Variants in HAL observed in about 807,000 individuals in gnomAD.
HAL encodes histidine ammonia-lyase.
HAL carries 85 observed loss-of-function variants against 81.1 expected under a neutral mutation model. That is an observed-to-expected ratio of 1.05 (90% CI 0.88 to 1.25). HAL has a LOEUF of 1.25. Among genes scored for constraint, HAL ranks in the 50% most tolerant of loss-of-function variants. HAL has a pLI of 0.00. For missense variants in HAL, 798 were observed against 836.6 expected, an observed-to-expected ratio of 0.95 and a Z score of 0.57; for synonymous variants, 301 against 309.2, an observed-to-expected ratio of 0.97 and a Z score of 0.28.
At chr12:95,980,181 AGGTT>A (rs963850744) in intron 17 of HAL, among the ~76,000 whole-genome samples, 2 of 152,242 alleles carry the variant, frequency 1.3e-5, no homozygotes, top group African/African-American at 4.8e-5. Flanking sequence ...GTTTAATTAT[AGGTT>A]GGTTCAAGTT....
At chr12:95,993,545 C>T in intron 7 of HAL, 57 bp from the exon 8 acceptor site, 4 of 1,178,830 alleles carry the variant, frequency 3.4e-6, no homozygotes, top group Non-Finnish European at 5.1e-6. Context: ...AATGTTCCCT[C>T]AGCTGGGAAA....
In HAL at chr12:95,973,335, A is replaced by C. The variant is rs1348574570; in HGVS notation, c.*897T>G. 6.6e-6 allele frequency: 1 copy of C among 152,226 alleles called. No homozygotes were observed. The highest frequency in any genetic ancestry group is 1.5e-5 in the Non-Finnish European group (1 of 68,042). The allele number at this position is 152,226 out of a possible 1,614,324, so 9.4% of individuals were successfully genotyped here. A position where few individuals can be genotyped will look rare whatever the true frequency, so the allele number is the denominator to read the frequency against. Reference sequence around the variant, plus strand: ...AAAAATAGATGCAGTAATACACTCTAGGGCTCCATCTGACCTTTATCAATA... The same window carrying C: ...AAAAATAGATGCAGTAATACACTCTCGGGCTCCATCTGACCTTTATCAATA... On this transcript the variant is annotated 3_prime_UTR_variant, in exon 21 of 21. Transcript: ENST00000261208.
At chr12:95,983,872 A>G in intron 15 of HAL, 39 bp downstream of exon 15, 1 of 1,026,642 alleles carries the variant, frequency 9.7e-7, no homozygotes, top group Non-Finnish European at 1.5e-6. Flanking sequence ...TACCAGCTGC[A>G]ATTCTATAAT....
rs747983413 is a variant in HAL, at chr12:95,990,414, A to T, written c.834T>A (p.Ser278Arg). ...VGEGKMWSPK[S>R]GWADAKYVLE... ...TTACGTATTTAGCATCAGCCCAGCCACTCTTCGGAGACCACATCTTCCCTT... is the reference window on the plus strand; with the variant it reads ...TTACGTATTTAGCATCAGCCCAGCCTCTCTTCGGAGACCACATCTTCCCTT... The change falls in exon 10 of 21, where the codon AGT becomes AGA. Residue 278 changes from serine to arginine, a missense_variant. Physicochemically the swap from Ser to Arg is moderately radical, Grantham distance 110. Coordinates refer to ENST00000261208, the MANE Select transcript of HAL (RefSeq NM_002108.4). 1 of 1,613,566 alleles carries T rather than the reference A, an allele frequency of 6.2e-7. No individual in the cohort carries two copies. The highest frequency in any genetic ancestry group is 8.5e-7 in the Non-Finnish European group (1 of 1,179,546).
intron 9 of HAL, among the ~76,000 whole-genome samples, chr12:95,991,541 C>T (rs917318399): frequency 6.6e-6 from 1 of 152,152 alleles, no homozygotes; most frequent in Admixed American, 6.5e-5. Flanking sequence ...GAACACGTGC[C>T]ATTTTCTAAG....
At chr12:95,983,774 G>A in intron 15 of HAL, 137 bp downstream of exon 15, 3 of 686,620 alleles carry the variant, frequency 4.4e-6, no homozygotes, top group Admixed American at 2.1e-5. Flanking sequence ...TAACCTCTGA[G>A]CCTCAGGTAC....
chr12:95,986,627 C>T (rs1949892206), intron 12 of HAL, among the ~76,000 whole-genome samples: 1 of 152,136 alleles, frequency 6.6e-6, no homozygotes, highest in African/African-American at 2.4e-5. Flanking sequence ...CACTTTTAGA[C>T]AATGTTCTGC....
chr12:95,985,968 TGTGGAAGAG>T lies in HAL; in HGVS notation c.1148-11_1148-3del. 6.2e-7 allele frequency: 1 copy of T among 1,611,260 alleles called. No individual in the cohort carries two copies. Among genetic ancestry groups the T allele is most frequent in the South Asian group, 1.1e-5 (1 of 90,986 alleles). ...CGCGATCACAGAACCTGTGACTCTCTGTGGAAGAGGTGGAGGGGATGAGACAGGGATCAT... is the reference window on the plus strand; with the variant it reads ...CGCGATCACAGAACCTGTGACTCTCTGTGGAGGGGATGAGACAGGGATCAT... On this transcript the variant is annotated splice_polypyrimidine_tract_variant and splice_region_variant and intron_variant, in intron 13 of 20. Coordinates refer to ENST00000261208, the MANE Select transcript of HAL (RefSeq NM_002108.4).
At chr12:95,995,551 C>A in intron 2 of HAL, 113 bp downstream of exon 2, 1 of 1,468,768 alleles carries the variant, frequency 6.8e-7, no homozygotes. Flanking sequence ...CAGGGCCAGC[C>A]TCGGCAAGCC....
chr12:95,994,170 C>T lies in HAL; in HGVS notation c.337-6G>A, dbSNP rs368163450. On this transcript the variant is annotated splice_region_variant and splice_polypyrimidine_tract_variant and intron_variant, in intron 4 of 20. Transcript: ENST00000261208. Reference sequence around the variant, plus strand: ...TCTCCATCTAACTCGATGTACTACACAAAAGAAGGGGATCTCAGTGAGTCT... The same window carrying T: ...TCTCCATCTAACTCGATGTACTACATAAAAGAAGGGGATCTCAGTGAGTCT... 1.7e-5 allele frequency: 27 copies of T among 1,603,956 alleles called. No individual in the cohort carries two copies. The African/African-American group carries it at 3.2e-4, about 19-fold the overall frequency.
At chr12:95,975,109 T>C (rs2080700120) in intron 20 of HAL, among the ~76,000 whole-genome samples, 1 of 152,232 alleles carries the variant, frequency 6.6e-6, no homozygotes, top group Non-Finnish European at 1.5e-5. Context: ...CCTATTGCCT[T>C]ATTTCCATGC....
At chr12:95,991,698 G>A (rs754913931) in intron 9 of HAL, among the ~76,000 whole-genome samples, 4 of 152,182 alleles carry the variant, frequency 2.6e-5, no homozygotes, top group Admixed American at 1.3e-4. Context: ...GATAGTTCAC[G>A]CTGGGGAATT....
At chr12:95,976,064 G>A (rs2080714931) in intron 20 of HAL, 1 of 362,742 alleles carries the variant, frequency 2.8e-6, no homozygotes, top group Non-Finnish European at 5.3e-6. Context: ...CCCAGTGGTG[G>A]TAGTTGTGAT....
rs1324663206 is a variant in HAL at position 95,976,725 on chromosome 12, A to G, written c.1655-19T>C. 6.7e-7 allele frequency: 1 copy of G among 1,490,820 alleles called. No homozygotes were observed. Among genetic ancestry groups the G allele is most frequent in the Non-Finnish European group, 9.4e-7 (1 of 1,068,202 alleles). 92.3% of individuals were successfully genotyped at this position (1,490,820 alleles called of 1,614,324 possible). ...GCCAGCACTGAAACAAGAAATTCCA[A>G]GAGGGTAGCTTATGAAAGTCTGACT... On this transcript the variant is annotated intron_variant, in intron 18 of 20. Coordinates refer to ENST00000261208, the MANE Select transcript of HAL (RefSeq NM_002108.4).
At position 95,980,741 on chromosome 12, in the gene HAL, T is replaced by C. The variant is rs899714388; in HGVS notation, c.1354-20A>G. ...TAGGGCCTGAAAGAGGGTCTCCATT[T>C]AGTCAGCCTATATTGAAATGTGCCT... On this transcript the variant is annotated intron_variant, in intron 16 of 20. Coordinates refer to ENST00000261208, the MANE Select transcript of HAL (RefSeq NM_002108.4). 3 of 1,611,274 alleles carry C rather than the reference T, an allele frequency of 1.9e-6. No individual in the cohort carries two copies. The highest frequency in any genetic ancestry group is 1.1e-5 in the South Asian group (1 of 91,040).
intron 9 of HAL, among the ~76,000 whole-genome samples, chr12:95,990,761 G>A (rs1487615141): frequency 1.3e-5 from 2 of 152,144 alleles, no homozygotes; most frequent in Non-Finnish European, 2.9e-5. Context: ...AGGAAGAAGA[G>A]AGAAAGGTAA....
rs776612002 is a variant in HAL at position 95,987,159 on chromosome 12, A to G, written c.959T>C (p.Val320Ala). 9.9e-6 allele frequency: 16 copies of G among 1,613,626 alleles called. No homozygotes were observed. The South Asian group carries it at 1.6e-4, about 17-fold the overall frequency. The change falls in exon 12 of 21, where the codon GTA (valine) becomes GCA (alanine). Residue 320 changes from valine (V) to alanine (A), a missense_variant. Transcript: ENST00000261208. ...CCGTGCAATAGCACTGGCTCGCTCT[A>G]CAGCTTCACAGCCCAGGGATGTGAT... ...QMITSLGCEA[V>A]ERASAIARQA...
At chr12:95,983,768 C>T (rs927280123) in intron 15 of HAL, 143 bp downstream of exon 15, 1 of 679,268 alleles carries the variant, frequency 1.5e-6, no homozygotes, top group South Asian at 1.6e-5. Flanking sequence ...GTCAGTTAAC[C>T]TCTGAGCCTC....
Position 95,984,567 on chromosome 12 carries a change from C to T in HAL, c.1207-576G>A, listed in dbSNP as rs922141887. On this transcript the variant is annotated intron_variant, in intron 14 of 20. Transcript: ENST00000261208. ...ATAGCCACAATGCTATAAAGCAGCA[C>T]CTGGCTCTGGTTTCTCCCAGAAGTC... Among the ~76,000 whole-genome samples the T allele has an allele frequency of 2.6e-5, 4 of 152,222 alleles. No individual in the cohort carries two copies. In the East Asian group the frequency reaches 7.7e-4, roughly 29 times the overall value.
Sources: allele counts gnomAD v4.1 joint callset (sites outside exome capture counted in the v4.1 genomes callset), GRCh38; gene constraint gnomAD v4.1.1; transcripts MANE v1.5; gene names NCBI Gene and HGNC (gene_info 2026-07-23, HGNC 2026-07-21).